The following TMEM178B variants were observed in gnomAD, a reference collection of about 807,000 sequenced individuals.
TMEM178B encodes transmembrane protein 178B.
TMEM178B carries 5 observed loss-of-function variants against 31.0 expected under a neutral mutation model. That is an observed-to-expected ratio of 0.16 (90% CI 0.08 to 0.34). The LOEUF (loss-of-function observed/expected upper bound fraction) is 0.34, where lower values mean the gene tolerates loss of function less well. Among genes scored for constraint, TMEM178B ranks in the 10% least tolerant of loss-of-function variants. TMEM178B has a pLI of 1.00. For missense variants in TMEM178B, 275 were observed against 400.3 expected, an observed-to-expected ratio of 0.69 and a Z score of 2.67; for synonymous variants, 164 against 164.0, an observed-to-expected ratio of 1.00 and a Z score of 0.00.
At chr7:141,252,580 A>G (rs143838228) in intron 2 of TMEM178B, among the ~76,000 whole-genome samples, 1 of 152,334 alleles carries the variant, frequency 6.6e-6, no homozygotes, top group African/African-American at 2.4e-5. Flanking sequence ...TTTTGGAGTT[A>G]GTAAACACAT....
intron 2 of TMEM178B, among the ~76,000 whole-genome samples, chr7:141,239,852 C>T (rs1797591959): frequency 6.6e-6 from 1 of 152,164 alleles, no homozygotes; most frequent in African/African-American, 2.4e-5. Context: ...TGAACCTGGG[C>T]TTTGCCCCCT....
chr7:141,330,337 C>T (rs914135324), intron 2 of TMEM178B, among the ~76,000 whole-genome samples: 14 of 152,148 alleles, frequency 9.2e-5, no homozygotes, highest in African/African-American at 3.4e-4. Flanking sequence ...CATGTGTTCT[C>T]ATTGTTCAGC....
intron 2 of TMEM178B, among the ~76,000 whole-genome samples, chr7:141,304,203 C>A (rs183362880): frequency 6.6e-6 from 1 of 152,244 alleles, no homozygotes; most frequent in East Asian, 1.9e-4. Context: ...CTACGTATTT[C>A]TCCTTTTTAT....
chr7:141,447,719 C>A (rs1182818713), intron 3 of TMEM178B, among the ~76,000 whole-genome samples: 4 of 152,090 alleles, frequency 2.6e-5, no homozygotes, highest in Non-Finnish European at 5.9e-5. Context: ...TCTGGAGAAG[C>A]CCGAGCAGGG....
At chr7:141,196,254 C>CT (rs1227407731) in intron 1 of TMEM178B, among the ~76,000 whole-genome samples, 1 of 151,966 alleles carries the variant, frequency 6.6e-6, no homozygotes, top group African/African-American at 2.4e-5. Flanking sequence ...GGTTTTTACT[C>CT]TTTTTTTGGA....
At chr7:141,208,994 G>A (rs1038736650) in intron 1 of TMEM178B, among the ~76,000 whole-genome samples, 3 of 152,202 alleles carry the variant, frequency 2.0e-5, no homozygotes, top group Admixed American at 6.5e-5. Flanking sequence ...CATTGTGCAA[G>A]TGAGACAAAG....
intron 2 of TMEM178B, among the ~76,000 whole-genome samples, chr7:141,430,973 A>G (rs1271079931): frequency 2.0e-5 from 3 of 152,114 alleles, no homozygotes; most frequent in East Asian, 1.9e-4. Context: ...AGAAGGGAGA[A>G]TTTCCAGCAG....
intron 2 of TMEM178B, among the ~76,000 whole-genome samples, chr7:141,335,071 C>CTTGG (rs1314576907): frequency 6.6e-6 from 1 of 152,186 alleles, no homozygotes; most frequent in Non-Finnish European, 1.5e-5. Context: ...ATATAAACAG[C>CTTGG]TTGGTTAGTG....
chr7:141,257,516 T>C (rs1325426009), intron 2 of TMEM178B, among the ~76,000 whole-genome samples: 2 of 152,218 alleles, frequency 1.3e-5, no homozygotes, highest in African/African-American at 4.8e-5. Context: ...TTTTAAGAGC[T>C]GAATGACCAT....
At chr7:141,345,460 G>A (rs910377069) in intron 2 of TMEM178B, among the ~76,000 whole-genome samples, 1 of 152,172 alleles carries the variant, frequency 6.6e-6, no homozygotes, top group Non-Finnish European at 1.5e-5. Context: ...CATCGTTATA[G>A]TACTAGTCTC....
At chr7:141,352,626 C>G (rs1275849731) in intron 2 of TMEM178B, 1 of 152,384 alleles carries the variant, frequency 6.6e-6, no homozygotes, top group Non-Finnish European at 1.5e-5. Context: ...ATGATCCACC[C>G]GCCTCGGCCT....
At chr7:141,336,589 C>T (rs1429125159) in intron 2 of TMEM178B, among the ~76,000 whole-genome samples, 1 of 151,978 alleles carries the variant, frequency 6.6e-6, no homozygotes, top group Non-Finnish European at 1.5e-5. Context: ...CAAGGATTGG[C>T]TCAGTTAATC....
At chr7:141,334,979 A>G (rs1037562416) in intron 2 of TMEM178B, among the ~76,000 whole-genome samples, 3 of 152,122 alleles carry the variant, frequency 2.0e-5, no homozygotes, top group African/African-American at 4.8e-5. Flanking sequence ...AGTCTGGAGG[A>G]TCTTTTGTTT....
intron 2 of TMEM178B, among the ~76,000 whole-genome samples, chr7:141,427,124 T>C (rs1801333129): frequency 6.6e-6 from 1 of 152,196 alleles, no homozygotes; most frequent in East Asian, 1.9e-4. Context: ...ATTGTTAAAA[T>C]GTTCATACCT....
chr7:141,086,537 T>C (rs954765950), intron 1 of TMEM178B, among the ~76,000 whole-genome samples: 2 of 152,054 alleles, frequency 1.3e-5, no homozygotes, highest in Admixed American at 6.6e-5. Context: ...GGTAAAACAA[T>C]ATTAGATATT....
intron 1 of TMEM178B, among the ~76,000 whole-genome samples, chr7:141,121,528 T>C (rs894121064): frequency 2.6e-5 from 4 of 152,178 alleles, no homozygotes; most frequent in Admixed American, 6.5e-5. Flanking sequence ...TGTCTTCTTT[T>C]TTCTTAGTTT....
Position 141,369,547 on chromosome 7 carries a change from G to A in TMEM178B, c.497-68061G>A, listed in dbSNP as rs535968168. On this transcript the variant is annotated intron_variant, in intron 2 of 3. Transcript: ENST00000565468. ...CTTGTTTGTATGTCTGAGCAAAGTG[G>A]AAAATTCAAAGGAAGGTGTTTTGCT... 1.7e-3 allele frequency among the ~76,000 whole-genome samples: 256 copies of A among 152,232 alleles called. 2 individuals are homozygous for A. Among genetic ancestry groups the A allele is most frequent in the African/African-American group, 5.8e-3 (239 of 41,540 alleles).
At chr7:141,331,964 C>T (rs1563153749) in intron 2 of TMEM178B, among the ~76,000 whole-genome samples, 1 of 152,178 alleles carries the variant, frequency 6.6e-6, no homozygotes, top group African/African-American at 2.4e-5. Flanking sequence ...GGAACATTGC[C>T]TCCTGAGGCT....
intron 2 of TMEM178B, among the ~76,000 whole-genome samples, chr7:141,244,374 T>C (rs1275642452): frequency 1.3e-5 from 2 of 152,164 alleles, no homozygotes; most frequent in African/African-American, 4.8e-5. Flanking sequence ...AGGACTAAAA[T>C]TGAGCCTTGA....
Sources: allele counts gnomAD v4.1 joint callset (sites outside exome capture counted in the v4.1 genomes callset), GRCh38; gene constraint gnomAD v4.1.1; transcripts MANE v1.5; gene names NCBI Gene and HGNC (gene_info 2026-07-23, HGNC 2026-07-21).